The following RELB variants were observed in gnomAD, a reference collection of about 807,000 sequenced individuals.
RELB encodes the protein transcription factor RelB.
A neutral mutation model predicts 55.4 loss-of-function variants in RELB; 14 were observed. The ratio of observed to expected loss-of-function variants is 0.25; its 90% CI spans 0.17 to 0.40. RELB has a LOEUF of 0.40. RELB is among the 10% of genes least tolerant of loss of function. The pLI is 1.00. For missense variants in RELB, 669 were observed against 830.7 expected (o/e 0.81, Z 2.39); for synonymous variants, 409 against 371.3 (o/e 1.10, Z -1.17).
intron 4 of RELB, among the ~76,000 whole-genome samples, chr19:45,017,364 G>A (rs1012481716): frequency 9.4e-5 from 14 of 148,190 alleles, no homozygotes; most frequent in African/African-American, 3.5e-4. Context: ...CGAGGTGGGC[G>A]GACCACCTGA....
At chr19:45,017,497 A>C (rs1568400089) in intron 4 of RELB, among the ~76,000 whole-genome samples, 1 of 148,814 alleles carries the variant, frequency 6.7e-6, no homozygotes, top group Non-Finnish European at 1.5e-5. Flanking sequence ...GTGATGTCTT[A>C]TAATTTTAAT....
Position 45,002,949 on chromosome 19 carries a change from G to A in RELB, c.107G>A (p.Gly36Glu), listed in dbSNP as rs754937434. ...CTGAGACGTTTCTCCTTCTCTGCAGGGTCCCCCGACCTCTCCTCACTCTCG... is the reference window on the plus strand; with the variant it reads ...CTGAGACGTTTCTCCTTCTCTGCAGAGTCCCCCGACCTCTCCTCACTCTCG... ...PPAAPELGAL[G>E]SPDLSSLSLA... The change falls in exon 2 of 12, where the codon GGG becomes GAG. Residue 36 changes from glycine to glutamate, a missense_variant and splice_region_variant. This residue lies in a region of RELB where 323 missense variants were observed against 368.5 expected (regional missense o/e 0.88). Coordinates refer to ENST00000221452, the MANE Select transcript of RELB (RefSeq NM_006509.4). 2 of 1,612,986 alleles carry A rather than the reference G, an allele frequency of 1.2e-6. No homozygotes were observed. Among genetic ancestry groups the A allele is most frequent in the Non-Finnish European group, 1.7e-6 (2 of 1,179,590 alleles).
At position 45,037,617 on chromosome 19, in the gene RELB, G is replaced by C. The variant is rs1400571456; in HGVS notation, c.1567G>C (p.Ala523Pro). 1.2e-6 allele frequency: 2 copies of C among 1,603,728 alleles called. No individual in the cohort carries two copies. The highest frequency in any genetic ancestry group is 4.6e-5 in the East Asian group (2 of 43,926). ...TGTTGTGTGCAGCGGAGGTGCCGGG[G>C]CCGTGGTTGGGGAGACCCCCGGCCC... ...SAVVCSGGAG[A>P]VVGETPGPEP... Residue 523 changes from alanine to proline, a missense_variant, in exon 12 of 12, where the codon GCC becomes CCC. By Grantham distance (27) the Ala-to-Pro change is conservative (BLOSUM62 -1). Around this residue, in one of 3 missense-constraint regions of RELB, gnomAD observed 341 missense variants for 436.8 expected, o/e 0.78. Coordinates refer to ENST00000221452, the MANE Select transcript of RELB (RefSeq NM_006509.4).
intron 11 of RELB, among the ~76,000 whole-genome samples, chr19:45,035,832 A>G (rs997728312): frequency 1.3e-5 from 2 of 152,282 alleles, no homozygotes; most frequent in African/African-American, 4.8e-5. Flanking sequence ...CTCAAAAACA[A>G]GAAACAAAAA....
intron 7 of RELB, among the ~76,000 whole-genome samples, chr19:45,028,173 C>T (rs1971579837): frequency 6.6e-6 from 1 of 152,088 alleles, no homozygotes; most frequent in Non-Finnish European, 1.5e-5. Flanking sequence ...TGTGAGCCAT[C>T]ATGCCTGGCA....
intron 11 of RELB, among the ~76,000 whole-genome samples, chr19:45,036,977 G>T (rs1248977766): frequency 3.9e-5 from 6 of 152,024 alleles, no homozygotes; most frequent in Non-Finnish European, 7.4e-5. Flanking sequence ...GATTCTCCTT[G>T]GGATTAAGAG....
intron 5 of RELB, among the ~76,000 whole-genome samples, chr19:45,022,623 C>T (rs545664257): frequency 5.4e-4 from 81 of 150,464 alleles, no homozygotes; most frequent in Admixed American, 5.4e-3. Flanking sequence ...TCTCAGCTCA[C>T]TCCAACCTCC....
chr19:45,027,628 C>T (rs1167439574), intron 7 of RELB, among the ~76,000 whole-genome samples: 1 of 152,080 alleles, frequency 6.6e-6, no homozygotes, highest in Admixed American at 6.6e-5. Context: ...GGCATGCGCT[C>T]AATTACTGCT....
At chr19:45,024,985 G>A (rs571493805) in intron 5 of RELB, among the ~76,000 whole-genome samples, 147 of 151,998 alleles carry the variant, frequency 9.7e-4, no homozygotes, top group African/African-American at 3.4e-3. Flanking sequence ...TCAGCCTCCC[G>A]AGTAGCTGGG....
intron 3 of RELB, among the ~76,000 whole-genome samples, chr19:45,011,188 A>G (rs1737706753): frequency 6.8e-6 from 1 of 147,468 alleles, no homozygotes; most frequent in African/African-American, 2.5e-5. Flanking sequence ...TTTGAGATGG[A>G]GTCTTGCTCT....
At chr19:45,017,663 CT>C (rs773366193) in intron 4 of RELB, among the ~76,000 whole-genome samples, 1,866 of 135,340 alleles carry the variant, frequency 0.014, 33 homozygotes, top group African/African-American at 0.043. Flanking sequence ...GTTATTATTC[CT>C]TTTTTTTTTT....
At chr19:45,020,022 C>T (rs376762647) in intron 4 of RELB, among the ~76,000 whole-genome samples, 2 of 151,904 alleles carry the variant, frequency 1.3e-5, no homozygotes, top group African/African-American at 4.8e-5. Context: ...CCTCCCAAAG[C>T]GTCGGGATTA....
intron 2 of RELB, among the ~76,000 whole-genome samples, chr19:45,009,379 C>T (rs773440939): frequency 1.3e-5 from 2 of 152,156 alleles, no homozygotes; most frequent in Non-Finnish European, 2.9e-5. Context: ...CCAGGCCTGG[C>T]CACCTCTTTG....
At chr19:45,031,273 G>A (rs900190201) in intron 8 of RELB, among the ~76,000 whole-genome samples, 9 of 151,908 alleles carry the variant, frequency 5.9e-5, no homozygotes, top group African/African-American at 1.7e-4. Flanking sequence ...ACAGGCGTGC[G>A]CCACCATGCC....
At chr19:45,028,010 G>C (rs972448745) in intron 7 of RELB, among the ~76,000 whole-genome samples, 1 of 151,886 alleles carries the variant, frequency 6.6e-6, no homozygotes, top group Admixed American at 6.6e-5. Context: ...CTCACAAGTA[G>C]CTGAGACTAC....
At chr19:45,011,662 G>T (rs1469975510) in intron 3 of RELB, among the ~76,000 whole-genome samples, 2 of 151,254 alleles carry the variant, frequency 1.3e-5, no homozygotes, top group Admixed American at 1.3e-4. Context: ...GGCCAGGCTG[G>T]TCTCGAACTC....
chr19:45,018,123 G>A (rs563039563), intron 4 of RELB, among the ~76,000 whole-genome samples: 4 of 151,620 alleles, frequency 2.6e-5, no homozygotes, highest in African/African-American at 9.7e-5. Flanking sequence ...AAAAATTCTT[G>A]GCCGAGCGTG....
chr19:45,023,492 C>CA (rs910504985), intron 5 of RELB, among the ~76,000 whole-genome samples: 1 of 151,788 alleles, frequency 6.6e-6, no homozygotes, highest in Non-Finnish European at 1.5e-5. Flanking sequence ...GGCTGGAATG[C>CA]AGTGGCGCGA....
intron 2 of RELB, among the ~76,000 whole-genome samples, chr19:45,006,087 C>A (rs1468729756): frequency 6.6e-6 from 1 of 152,122 alleles, no homozygotes; most frequent in East Asian, 1.9e-4. Context: ...GACACGTAAA[C>A]AATAAGTTAA....
Sources: allele counts gnomAD v4.1 joint callset (sites outside exome capture counted in the v4.1 genomes callset), GRCh38; gene constraint gnomAD v4.1.1; regional missense constraint gnomAD v4.1.1; transcripts MANE v1.5; gene names NCBI Gene and HGNC (gene_info 2026-07-23, HGNC 2026-07-21).